ANKRD36C: variants seen among roughly 807,000 people sequenced by gnomAD.
ANKRD36C encodes the protein ankyrin repeat domain 36C.
ANKRD36C carries 61 observed loss-of-function variants against 276.4 expected under a neutral mutation model. The observed-to-expected ratio is 0.22, with a 90% CI of 0.18 to 0.27. The LOEUF is 0.27. Among genes scored for constraint, ANKRD36C ranks in the 10% least tolerant of loss-of-function variants. The pLI is 1.00. For missense variants in ANKRD36C, 1,447 were observed against 2,032.3 expected (o/e 0.71, Z 5.54); for synonymous variants, 483 against 680.1 (o/e 0.71, Z 4.51).
In ANKRD36C at chr2:95,978,112, GA is replaced by G. The variant is rs760059733; in HGVS notation, c.799+9del. ...TACCATCAAGAGTAATTCACTATCA[GA>G]AATCTTACCTGGATTGCTATTTATA... On this transcript the variant is annotated intron_variant, in intron 6 of 66. Coordinates refer to ENST00000456556, the Ensembl canonical transcript of ANKRD36C. 75 of 1,144,700 alleles carry G rather than the reference GA, an allele frequency of 6.6e-5. No individual in the cohort carries two copies. In the South Asian group the frequency reaches 1.1e-3, roughly 17 times the overall value. The allele number at this position is 1,144,700 out of a possible 1,614,324, so 70.9% of individuals were successfully genotyped here. A position where few individuals can be genotyped will look rare whatever the true frequency, so the allele number is the denominator to read the frequency against.
Position 95,987,076 on chromosome 2 carries a change from G to A in ANKRD36C, c.312+16C>T, listed in dbSNP as rs1395286484. On this transcript the variant is annotated intron_variant, in intron 2 of 66. Transcript: ENST00000456556. ...CAAATCCATCTCATGCTCAAAAAGAGTCAGCTACTATGTACCTTGATCAGA... is the reference window on the plus strand; with the variant it reads ...CAAATCCATCTCATGCTCAAAAAGAATCAGCTACTATGTACCTTGATCAGA... 1.7e-5 allele frequency: 24 copies of A among 1,439,296 alleles called. 1 individual carries two copies. Among genetic ancestry groups the A allele is most frequent in the Non-Finnish European group, 2.2e-5 (23 of 1,062,974 alleles). 89.2% of individuals were successfully genotyped at this position (1,439,296 alleles called of 1,614,324 possible).
chr2:95,973,399 G>A (rs1481596961), intron 6 of ANKRD36C, among the ~76,000 whole-genome samples: 1 of 151,772 alleles, frequency 6.6e-6, no homozygotes, highest in Non-Finnish European at 1.5e-5. Flanking sequence ...GCAACAGAGC[G>A]AGACTCAGTC....
chr2:95,989,119 A>T (rs1350189195), intron 1 of ANKRD36C, among the ~76,000 whole-genome samples: 2 of 152,202 alleles, frequency 1.3e-5, no homozygotes, highest in Admixed American at 1.3e-4. Context: ...GTGAGCCAAG[A>T]TCATGCCACT....
intron 17 of ANKRD36C, among the ~76,000 whole-genome samples, chr2:95,946,272 G>C (rs1334054044): frequency 6.7e-6 from 1 of 148,192 alleles, no homozygotes; most frequent in African/African-American, 2.5e-5. Context: ...CTTCTCAAAA[G>C]AAGACATTTA....
intron 12 of ANKRD36C, among the ~76,000 whole-genome samples, chr2:95,957,146 T>C (rs571301407): frequency 6.6e-6 from 1 of 152,376 alleles, no homozygotes; most frequent in South Asian, 2.1e-4. Context: ...CGAAAGCCGG[T>C]CTCTAGTAAA....
intron 46 of ANKRD36C, among the ~76,000 whole-genome samples, chr2:95,890,970 T>G (rs1676336523): frequency 1.3e-5 from 2 of 151,446 alleles, no homozygotes; most frequent in South Asian, 4.2e-4. Context: ...ATAACTACAA[T>G]CAACAAAATA....
intron 54 of ANKRD36C, among the ~76,000 whole-genome samples, chr2:95,882,969 G>A (rs1434695571): frequency 1.3e-5 from 2 of 152,126 alleles, no homozygotes; most frequent in Non-Finnish European, 2.9e-5. Flanking sequence ...CAATGACAAT[G>A]ACACTTTAGT....
chr2:95,947,398 G>T (rs1358872491), intron 17 of ANKRD36C, among the ~76,000 whole-genome samples: 1 of 152,100 alleles, frequency 6.6e-6, no homozygotes, highest in Non-Finnish European at 1.5e-5. Flanking sequence ...CCATTTCCCT[G>T]TTTGTTGATT....
intron 59 of ANKRD36C, among the ~76,000 whole-genome samples, chr2:95,869,841 C>T (rs183141980): frequency 5.1e-4 from 77 of 152,350 alleles, no homozygotes; most frequent in African/African-American, 1.4e-3. Flanking sequence ...GCTTAAAAAA[C>T]GGCACACCAG....
intron 17 of ANKRD36C, among the ~76,000 whole-genome samples, chr2:95,947,502 C>T (rs1678084707): frequency 6.6e-6 from 1 of 152,076 alleles, no homozygotes; most frequent in South Asian, 2.1e-4. Context: ...TCAAGTGGCT[C>T]ATAGTAATGC....
intron 5 of ANKRD36C, among the ~76,000 whole-genome samples, chr2:95,979,301 T>G (rs1238945676): frequency 6.6e-6 from 1 of 151,990 alleles, no homozygotes. Flanking sequence ...ATGAAATGCT[T>G]CACCATGCTA....
intron 3 of ANKRD36C, among the ~76,000 whole-genome samples, chr2:95,983,738 T>A (rs2104539983): frequency 6.6e-6 from 1 of 151,676 alleles, no homozygotes; most frequent in Admixed American, 6.6e-5. Context: ...TGCCTCAGCC[T>A]CCCGAGTAGC....
chr2:95,958,302 AG>A (rs1678378461), intron 12 of ANKRD36C, among the ~76,000 whole-genome samples: 1 of 152,036 alleles, frequency 6.6e-6, no homozygotes, highest in South Asian at 2.1e-4. Flanking sequence ...GATACGCTGT[AG>A]AATTAAAGCA....
At chr2:95,858,225 T>A (rs1242415996) in intron 61 of ANKRD36C, among the ~76,000 whole-genome samples, 1 of 152,166 alleles carries the variant, frequency 6.6e-6, no homozygotes, top group Non-Finnish European at 1.5e-5. Context: ...TCACTCATGT[T>A]TGGCTCAGAA....
At chr2:95,901,872 A>G (rs1355314734) in intron 42 of ANKRD36C, among the ~76,000 whole-genome samples, 1 of 146,822 alleles carries the variant, frequency 6.8e-6, no homozygotes, top group Non-Finnish European at 1.5e-5. Flanking sequence ...CTTGGCACCA[A>G]AGGATAATAT....
At chr2:95,890,483 A>C (rs1174364233) in intron 46 of ANKRD36C, among the ~76,000 whole-genome samples, 1 of 151,524 alleles carries the variant, frequency 6.6e-6, no homozygotes, top group Non-Finnish European at 1.5e-5. Context: ...CGTACACTTC[A>C]CATCTCCTCA....
At chr2:95,980,925 C>G (rs1678902956) in intron 4 of ANKRD36C, 140 bp from the exon 5 acceptor site, 1 of 1,295,676 alleles carries the variant, frequency 7.7e-7, no homozygotes, top group Non-Finnish European at 1.0e-6. Flanking sequence ...CTTAGGTGCT[C>G]AAGGGTATAT....
At chr2:95,943,863 G>A (rs2104469427) in intron 19 of ANKRD36C, among the ~76,000 whole-genome samples, 1 of 152,060 alleles carries the variant, frequency 6.6e-6, no homozygotes, top group East Asian at 1.9e-4. Context: ...ATAAATAGAT[G>A]TATATATTTT....
chr2:95,886,204 G>A lies in ANKRD36C; in HGVS notation c.3090+12C>T. The A allele has an allele frequency of 7.7e-7, 1 of 1,291,566 alleles. No homozygotes were observed. The highest frequency in any genetic ancestry group is 1.1e-6 in the Non-Finnish European group (1 of 925,900). The allele number at this position is 1,291,566 out of a possible 1,614,324, so 80.0% of individuals were successfully genotyped here. A position where few individuals can be genotyped will look rare whatever the true frequency, so the allele number is the denominator to read the frequency against. ...AGTTAATAGTTCAAAATATATATGA[G>A]TGTTTAATTACCTTCCAGGCCAGTT... is the stretch of plus-strand genomic sequence containing the variant. On this transcript the variant is annotated intron_variant, in intron 51 of 66. Transcript: ENST00000456556.
Sources: allele counts gnomAD v4.1 joint callset (sites outside exome capture counted in the v4.1 genomes callset), GRCh38; gene constraint gnomAD v4.1.1; transcripts MANE v1.5; gene names NCBI Gene and HGNC (gene_info 2026-07-23, HGNC 2026-07-21).